MTHFD1L: variants seen among roughly 807,000 people sequenced by gnomAD.
MTHFD1L encodes the protein methylenetetrahydrofolate dehydrogenase (NADP+ dependent) 1 like.
Under a neutral mutation model 119.5 loss-of-function variants are expected in MTHFD1L, and 81 were observed. That is an observed-to-expected ratio of 0.68 (90% CI 0.57 to 0.82). The LOEUF (loss-of-function observed/expected upper bound fraction) is 0.82, where lower values mean the gene tolerates loss of function less well. Ranked by LOEUF, MTHFD1L falls within the 40% of genes least tolerant of loss-of-function variation. The pLI, the probability that MTHFD1L is intolerant of heterozygous loss-of-function variation, is 0.00. For missense variants in MTHFD1L, 1,125 were observed against 1,253.4 expected (o/e 0.90, Z 1.55); for synonymous variants, 430 against 475.2 (o/e 0.90, Z 1.24).
At chr6:150,983,130 C>T (rs1777788212) in intron 20 of MTHFD1L, among the ~76,000 whole-genome samples, 1 of 152,154 alleles carries the variant, frequency 6.6e-6, no homozygotes, top group South Asian at 2.1e-4. Flanking sequence ...GTGCTATTTA[C>T]CTTTTTCTTA....
At position 151,013,759 on chromosome 6, in the gene MTHFD1L, GT is replaced by G; in HGVS notation, c.2266-16del. 1 of 1,604,568 alleles carries G rather than the reference GT, an allele frequency of 6.2e-7. No homozygotes were observed. The highest frequency in any genetic ancestry group is 8.5e-7 in the Non-Finnish European group (1 of 1,172,522). The stretch of plus-strand genomic sequence containing the variant: ...GCATTTTTATAGGATTATTCTTCAT[GT>G]TTTCTCTCCTTATTTCAGGTAACGG... On this transcript the variant is annotated intron_variant, in intron 21 of 27. Coordinates refer to ENST00000367321, the MANE Select transcript of MTHFD1L (RefSeq NM_015440.5).
At chr6:151,016,768 CTTTTTTTT>C in intron 24 of MTHFD1L, 6 of 217,336 alleles carry the variant, frequency 2.8e-5, no homozygotes, top group South Asian at 7.4e-5. Context: ...CTATCTTAGC[CTTTTTTTT>C]TTTTTTTTTT....
At position 150,884,204 on chromosome 6, in the gene MTHFD1L, C is replaced by G. The variant is rs561102583; in HGVS notation, c.542+1318C>G. On this transcript the variant is annotated intron_variant, in intron 5 of 27. Coordinates refer to ENST00000367321, the MANE Select transcript of MTHFD1L (RefSeq NM_015440.5). ...TTGCCCAGGCTGGAGTGCAGTGACA[C>G]GATCTCGGCTCACTGCAAGCTCTGC... Among the ~76,000 whole-genome samples, 3 of 150,032 alleles carry G rather than the reference C, an allele frequency of 2.0e-5. No homozygotes were observed. The South Asian group carries it at 6.4e-4, about 32-fold the overall frequency.
chr6:150,902,871 A>G (rs1017841539), intron 7 of MTHFD1L, among the ~76,000 whole-genome samples: 5 of 152,204 alleles, frequency 3.3e-5, no homozygotes, highest in African/African-American at 1.2e-4. Context: ...AGCCTTGTTC[A>G]TATTAACCTC....
chr6:150,945,583 A>G, intron 15 of MTHFD1L, 42 bp downstream of exon 15: 2 of 1,555,140 alleles, frequency 1.3e-6, no homozygotes, highest in South Asian at 1.2e-5. Flanking sequence ...AAAATATCGT[A>G]GAAACGCATC....
At chr6:151,072,409 C>T (rs1180147491) in intron 26 of MTHFD1L, among the ~76,000 whole-genome samples, 2 of 151,962 alleles carry the variant, frequency 1.3e-5, no homozygotes, top group African/African-American at 4.8e-5. Flanking sequence ...GAATAATAAC[C>T]TAAAAAATCT....
intron 26 of MTHFD1L, among the ~76,000 whole-genome samples, chr6:151,065,711 C>G (rs1311074433): frequency 6.6e-6 from 1 of 152,262 alleles, no homozygotes; most frequent in African/African-American, 2.4e-5. Flanking sequence ...CTCATGTGCC[C>G]TGTCCTAATC....
At chr6:150,883,159 A>C (rs2128759690) in intron 5 of MTHFD1L, among the ~76,000 whole-genome samples, 1 of 151,848 alleles carries the variant, frequency 6.6e-6, no homozygotes, top group South Asian at 2.1e-4. Context: ...CAGCCTCCTG[A>C]GTAGCTGGGA....
At chr6:151,003,287 T>G (rs543390380) in intron 20 of MTHFD1L, among the ~76,000 whole-genome samples, 1 of 152,242 alleles carries the variant, frequency 6.6e-6, no homozygotes, top group East Asian at 1.9e-4. Context: ...ATCCCAACAC[T>G]TTGGGAGGCC....
chr6:150,867,479 T>G (rs1441642676), intron 1 of MTHFD1L, among the ~76,000 whole-genome samples: 1 of 152,224 alleles, frequency 6.6e-6, no homozygotes, highest in African/African-American at 2.4e-5. Flanking sequence ...GTCAGGTCAT[T>G]AGGTTTTAAC....
At chr6:150,911,341 G>T (rs900515529) in intron 8 of MTHFD1L, among the ~76,000 whole-genome samples, 1 of 152,014 alleles carries the variant, frequency 6.6e-6, no homozygotes, top group Non-Finnish European at 1.5e-5. Context: ...GTGATATGCT[G>T]TCATTTGACA....
rs141576856 is a variant in MTHFD1L, at chr6:151,039,944, ACATG to A, written c.2847+2831_2847+2834del. On this transcript the variant is annotated intron_variant, in intron 26 of 27. Coordinates refer to ENST00000367321, the MANE Select transcript of MTHFD1L (RefSeq NM_015440.5). This position sits in a 1 kb window ranked among gnomAD's most constrained non-coding sequence, Gnocchi z 4.4. ...TACATACATACATACATACATACAT[ACATG>A]CATACATGCATACATGCATACATAG... 0.37 allele frequency among the ~76,000 whole-genome samples: 53,445 copies of A among 143,076 alleles called. 10,232 individuals carry two copies. The highest frequency in any genetic ancestry group is 0.47 in the African/African-American group (18,493 of 39,382). The allele number at this position is 143,076 out of a possible 152,430, so 93.9% of individuals were successfully genotyped here.
rs775477103 is a variant in MTHFD1L, at chr6:150,918,621, A to T, written c.937A>T (p.Ile313Phe). 6.2e-7 allele frequency: 1 copy of T among 1,614,146 alleles called. No individual in the cohort carries two copies. Among genetic ancestry groups the T allele is most frequent in the Non-Finnish European group, 8.5e-7 (1 of 1,180,010 alleles). The change falls in exon 9 of 28, where the codon ATT becomes TTT. Residue 313 changes from isoleucine to phenylalanine, a missense_variant. This residue lies in a region of MTHFD1L where 1,058 missense variants were observed against 1,151.2 expected (regional missense o/e 0.92). Transcript: ENST00000367321. ...TCCAAGAATACATTTTGGTGGACTC[A>T]TTGAGGAAGATGATGTGATTCTCCT... is the stretch of plus-strand genomic sequence containing the variant. Reference protein sequence around the residue: ...GSPRIHFGGLIEEDDVILLAA... With the variant: ...GSPRIHFGGLFEEDDVILLAA...
chr6:150,943,033 A>G (rs1383995363), intron 13 of MTHFD1L, among the ~76,000 whole-genome samples: 1 of 152,130 alleles, frequency 6.6e-6, no homozygotes, highest in Non-Finnish European at 1.5e-5. Context: ...CTGTAATCCC[A>G]GCACTTTGGG....
At chr6:151,001,345 G>T (rs923065223) in intron 20 of MTHFD1L, among the ~76,000 whole-genome samples, 3 of 152,170 alleles carry the variant, frequency 2.0e-5, no homozygotes, top group African/African-American at 7.2e-5. Context: ...CAACATCCAG[G>T]TATTTCAAGT....
chr6:150,867,300 T>C (rs1430420055), intron 1 of MTHFD1L, among the ~76,000 whole-genome samples: 4 of 152,288 alleles, frequency 2.6e-5, no homozygotes, highest in African/African-American at 7.2e-5. Flanking sequence ...CAAGCGATTC[T>C]CCCGCCTTAG....
At chr6:150,902,026 T>A (rs1785169995) in intron 7 of MTHFD1L, among the ~76,000 whole-genome samples, 1 of 152,190 alleles carries the variant, frequency 6.6e-6, no homozygotes, top group Non-Finnish European at 1.5e-5. Flanking sequence ...CAGATTCTCA[T>A]ATGATATGAA....
At chr6:151,071,952 C>T (rs1259501553) in intron 26 of MTHFD1L, among the ~76,000 whole-genome samples, 2 of 147,008 alleles carry the variant, frequency 1.4e-5, no homozygotes, top group East Asian at 2.1e-4. Flanking sequence ...AAGCAGTTCT[C>T]CTGCCTCGGC....
intron 27 of MTHFD1L, chr6:151,099,395 C>T: frequency 3.0e-6 from 2 of 660,738 alleles, no homozygotes; most frequent in East Asian, 2.7e-5. Flanking sequence ...CATTGACCCT[C>T]AGGTCAAGGG....
Sources: gnomAD v4.1 joint callset for allele counts (sites outside exome capture counted in the v4.1 genomes callset) on GRCh38, gnomAD v4.1.1 for gene constraint, gnomAD v4.1.1 regional missense constraint, Gnocchi (gnomAD v3.1) non-coding constraint, MANE v1.5 for transcripts, NCBI Gene and HGNC (gene_info 2026-07-23, HGNC 2026-07-21) for gene names.